Variants in WT1 observed in about 807,000 individuals in gnomAD.
The protein encoded by WT1 is Wilms tumor protein.
Under a neutral mutation model 60.8 loss-of-function variants are expected in WT1, and 8 were observed. The observed-to-expected ratio is 0.13, with a 90% CI of 0.08 to 0.24. The LOEUF (loss-of-function observed/expected upper bound fraction) is 0.24. Among genes scored for constraint, WT1 ranks in the 10% least tolerant of loss-of-function variants. WT1 has a pLI of 1.00. For synonymous variants in WT1, 312 were observed against 297.1 expected (o/e 1.05, Z -0.52); for missense variants, 568 against 711.8 (o/e 0.80, Z 2.30).
At chr11:32,426,863 C>T (rs1853060884) in intron 3 of WT1, among the ~76,000 whole-genome samples, 2 of 152,266 alleles carry the variant, frequency 1.3e-5, no homozygotes, top group African/African-American at 4.8e-5. Context: ...CGCCTCGCTC[C>T]GGATCGAGGA....
intron 6 of WT1, among the ~76,000 whole-genome samples, chr11:32,399,567 A>G (rs1228380744): frequency 6.6e-6 from 1 of 152,230 alleles, no homozygotes; most frequent in Non-Finnish European, 1.5e-5. Flanking sequence ...GCAAGATGTG[A>G]GTCTACCTGT....
rs1338720930 is a variant in WT1 at position 32,408,210 on chromosome 11, T to C, written c.1017-8166A>G. Reference sequence around the variant, plus strand: ...CCTGGCTACAGAGTGAAACTCCATCTCAGAAAAAAAAAAAAAAAAATGCTG... The same window carrying C: ...CCTGGCTACAGAGTGAAACTCCATCCCAGAAAAAAAAAAAAAAAAATGCTG... On this transcript the variant is annotated intron_variant, in intron 5 of 9. Transcript: ENST00000452863. Among the ~76,000 whole-genome samples, 17 of 93,918 alleles carry C rather than the reference T, an allele frequency of 1.8e-4. No homozygotes were observed. The Admixed American group carries it at 2.1e-3, about 12-fold the overall frequency. The allele number at this position is 93,918 out of a possible 152,430, so 61.6% of individuals were successfully genotyped here.
intron 5 of WT1, among the ~76,000 whole-genome samples, chr11:32,411,412 C>G (rs544019018): frequency 3.1e-4 from 47 of 152,276 alleles, no homozygotes; most frequent in African/African-American, 1.1e-3. Flanking sequence ...TATAAATATG[C>G]ATTTGCTGAA....
rs745906743 is a variant in WT1, at chr11:32,400,072, TCA to T, written c.1017-30_1017-29del. ...GCAAACACAAAGAAGGGAAAAAGGC[TCA>T]GTGTGGCTCACAGTCGCCATTTGGA... On this transcript the variant is annotated intron_variant, in intron 5 of 9. Coordinates refer to ENST00000452863, the MANE Select transcript of WT1 (RefSeq NM_024426.6). The T allele has an allele frequency of 8.1e-6, 13 of 1,612,298 alleles. No individual in the cohort carries two copies. The South Asian group carries it at 1.3e-4, about 16-fold the overall frequency.
intron 6 of WT1, 60 bp downstream of exon 6, chr11:32,399,888 C>G (rs368534044): frequency 6.3e-7 from 1 of 1,575,770 alleles, no homozygotes; most frequent in Non-Finnish European, 8.7e-7. Context: ...AACTAAAGGG[C>G]CGGTAAGTAG....
intron 3 of WT1, among the ~76,000 whole-genome samples, chr11:32,424,555 C>G (rs1852962421): frequency 2.0e-5 from 3 of 152,142 alleles, no homozygotes; most frequent in South Asian, 4.1e-4. Flanking sequence ...TTTCAGAAAC[C>G]CTAGTGACCT....
chr11:32,392,119 C>T lies in WT1; in HGVS notation c.1355-55G>A, dbSNP rs1051004108. 17 of 1,531,858 alleles carry T rather than the reference C, an allele frequency of 1.1e-5. No homozygotes were observed. In the East Asian group the frequency reaches 2.5e-4, roughly 22 times the overall value. 94.9% of individuals were successfully genotyped at this position (1,531,858 alleles called of 1,614,324 possible). On this transcript the variant is annotated intron_variant, in intron 8 of 9. Coordinates refer to ENST00000452863, the MANE Select transcript of WT1 (RefSeq NM_024426.6). ...CCCTAACAATGTGGGCACAGTGAGGCCCACAAGGCTGACTTCCGGCAGCTG... is the reference window on the plus strand; with the variant it reads ...CCCTAACAATGTGGGCACAGTGAGGTCCACAAGGCTGACTTCCGGCAGCTG...
At chr11:32,400,239 CT>C (rs1235889627) in intron 5 of WT1, 195 bp from the exon 6 acceptor site, 3 of 662,834 alleles carry the variant, frequency 4.5e-6, no homozygotes, top group Non-Finnish European at 8.1e-6. Context: ...TGGCCGCCAC[CT>C]CGCAGCCCCT....
Position 32,435,403 on chromosome 11 carries a change from C to A in WT1, c.-43G>T, listed in dbSNP as rs890823020. 2.5e-6 allele frequency: 3 copies of A among 1,186,866 alleles called. No homozygotes were observed. The highest frequency in any genetic ancestry group is 1.7e-5 in the African/African-American group (1 of 58,520). The allele number at this position is 1,186,866 out of a possible 1,614,324, so 73.5% of individuals were successfully genotyped here. ...GGCGGGGCCCGGGCGCCTGGGCTGC[C>A]GTCCCGGCTCTGGGTGGGTGGGTGG... is the stretch of plus-strand genomic sequence containing the variant. On this transcript the variant is annotated 5_prime_UTR_variant, in exon 1 of 10. Transcript: ENST00000452863.
At chr11:32,408,371 C>T (rs559655048) in intron 5 of WT1, among the ~76,000 whole-genome samples, 92 of 151,454 alleles carry the variant, frequency 6.1e-4, no homozygotes, top group Non-Finnish European at 1.3e-3. Context: ...AAACATTAGC[C>T]GGGTGTCGTG....
chr11:32,414,194 G>A (rs1048872203), intron 5 of WT1, among the ~76,000 whole-genome samples: 16 of 152,226 alleles, frequency 1.1e-4, no homozygotes, highest in African/African-American at 3.9e-4. Flanking sequence ...GGAACTATCT[G>A]TTGGGCCATC....
chr11:32,406,628 A>T (rs11031768), intron 5 of WT1, among the ~76,000 whole-genome samples: 25 of 151,438 alleles, frequency 1.7e-4, no homozygotes, highest in Middle Eastern at 3.4e-3. Flanking sequence ...CACCAAAAAA[A>T]AAATATATAT....
chr11:32,419,289 T>C (rs1852779722), intron 3 of WT1, among the ~76,000 whole-genome samples: 1 of 152,144 alleles, frequency 6.6e-6, no homozygotes, highest in Non-Finnish European at 1.5e-5. Flanking sequence ...TCCTCCACAA[T>C]CTCTCTACTG....
chr11:32,427,855 C>G, intron 3 of WT1, 101 bp downstream of exon 3: 3 of 1,125,850 alleles, frequency 2.7e-6, no homozygotes, highest in Non-Finnish European at 3.8e-6. Flanking sequence ...CCTGCATGCC[C>G]GCAGTCAGGG....
At chr11:32,402,869 G>C (rs148093720) in intron 5 of WT1, among the ~76,000 whole-genome samples, 1 of 152,148 alleles carries the variant, frequency 6.6e-6, no homozygotes, top group African/African-American at 2.4e-5. Context: ...ACATTTTCTA[G>C]GGCTGAAGGA....
rs1590411695 is a variant in WT1, at chr11:32,435,310, C to G, written c.51G>C (p.Pro17=). The G allele has an allele frequency of 6.5e-7, 1 of 1,532,812 alleles. No individual in the cohort carries two copies. The highest frequency in any genetic ancestry group is 8.7e-7 in the Non-Finnish European group (1 of 1,146,274). The allele number at this position is 1,532,812 out of a possible 1,614,324, so 95.0% of individuals were successfully genotyped here. A position where few individuals can be genotyped will look rare whatever the true frequency, so the allele number is the denominator to read the frequency against. The stretch of plus-strand genomic sequence containing the variant: ...CGGAGCGGAGCGTGTGCTGAGACGC[C>G]GGCTCCGGGACACACGTGGAAGCCG... Residue 17 remains proline (P), a synonymous_variant, in exon 1 of 10, where the codon CCG becomes CCC. Coordinates refer to ENST00000452863, the MANE Select transcript of WT1 (RefSeq NM_024426.6).
At chr11:32,418,521 C>T (rs1166440690) in intron 3 of WT1, among the ~76,000 whole-genome samples, 1 of 152,126 alleles carries the variant, frequency 6.6e-6, no homozygotes, top group Non-Finnish European at 1.5e-5. Flanking sequence ...TTTCTGGGAC[C>T]TCTTGGTCTA....
At position 32,426,906 on chromosome 11, in the gene WT1, A is replaced by T. The variant is rs557654276; in HGVS notation, c.887+1050T>A. Reference sequence around the variant, plus strand: ...CCCTCCTCCACCTGCGGGACTGGACAGTCCCCCAGGCGCGGCCACTCCCCC... The same window carrying T: ...CCCTCCTCCACCTGCGGGACTGGACTGTCCCCCAGGCGCGGCCACTCCCCC... On this transcript the variant is annotated intron_variant, in intron 3 of 9. Coordinates refer to ENST00000452863, the MANE Select transcript of WT1 (RefSeq NM_024426.6). Among the ~76,000 whole-genome samples, 11 of 152,020 alleles carry T rather than the reference A, an allele frequency of 7.2e-5. No homozygotes were observed. The East Asian group carries it at 2.1e-3, about 30-fold the overall frequency.
intron 1 of WT1, 145 bp from the exon 2 acceptor site, chr11:32,428,764 T>C: frequency 7.3e-7 from 1 of 1,374,390 alleles, no homozygotes; most frequent in South Asian, 1.3e-5. Flanking sequence ...CCCACAAGCC[T>C]CCAGGACTTT....
Sources: allele counts gnomAD v4.1 joint callset (sites outside exome capture counted in the v4.1 genomes callset), GRCh38; gene constraint gnomAD v4.1.1; transcripts MANE v1.5; gene names NCBI Gene and HGNC (gene_info 2026-07-23, HGNC 2026-07-21).